Variants in C10orf90 observed in about 807,000 individuals in gnomAD.
C10orf90 encodes the protein chromosome 10 open reading frame 90.
Under a neutral mutation model 62.5 loss-of-function variants are expected in C10orf90, and 56 were observed. The ratio of observed to expected loss-of-function variants is 0.90; its 90% CI spans 0.72 to 1.12. The LOEUF (loss-of-function observed/expected upper bound fraction) is 1.12, where lower values mean the gene tolerates loss of function less well. Among genes scored for constraint, C10orf90 ranks in the 50% most tolerant of loss-of-function variants. C10orf90 has a pLI of 0.00. For missense variants in C10orf90, 970 were observed against 880.4 expected, an observed-to-expected ratio of 1.10 and a Z score of -1.29; for synonymous variants, 386 against 340.4, an observed-to-expected ratio of 1.13 and a Z score of -1.47.
chr10:126,655,834 C>CAA (rs1195360598), intron 1 of C10orf90, among the ~76,000 whole-genome samples: 20,004 of 125,326 alleles, frequency 0.16, 1,240 homozygotes, highest in South Asian at 0.22. Flanking sequence ...CAAAACAAAA[C>CAA]AAAACAAAAA....
chr10:126,478,209 A>G (rs893113657), intron 4 of C10orf90, among the ~76,000 whole-genome samples: 1 of 152,208 alleles, frequency 6.6e-6, no homozygotes. Context: ...CCCTTGGAAT[A>G]ACTTGGAATC....
chr10:126,463,556 G>A (rs954955698), intron 5 of C10orf90, among the ~76,000 whole-genome samples: 3 of 151,984 alleles, frequency 2.0e-5, no homozygotes, highest in African/African-American at 4.8e-5. Flanking sequence ...CAACCCTTGC[G>A]CCCTGGCCCC....
At chr10:126,564,668 C>T (rs556575691) in intron 2 of C10orf90, among the ~76,000 whole-genome samples, 10 of 147,444 alleles carry the variant, frequency 6.8e-5, no homozygotes, top group East Asian at 4.1e-4. Context: ...CCCAGACACA[C>T]GACTGGCTTT....
At chr10:126,426,691 C>A (rs1334917056) in intron 8 of C10orf90, among the ~76,000 whole-genome samples, 1 of 152,120 alleles carries the variant, frequency 6.6e-6, no homozygotes, top group Non-Finnish European at 1.5e-5. Flanking sequence ...TGGACTGATG[C>A]CAGTTAATAT....
intron 3 of C10orf90, among the ~76,000 whole-genome samples, chr10:126,506,029 C>A (rs1257588999): frequency 6.6e-6 from 1 of 152,168 alleles, no homozygotes; most frequent in Non-Finnish European, 1.5e-5. Flanking sequence ...AACACTATGG[C>A]AATCAGATGA....
chr10:126,507,929 A>C (rs139055823), intron 3 of C10orf90, among the ~76,000 whole-genome samples: 7 of 151,910 alleles, frequency 4.6e-5, no homozygotes, highest in Admixed American at 3.3e-4. Context: ...CTTGGTACAC[A>C]TTCCCTCCCA....
chr10:126,512,919 T>A (rs1158628292), intron 3 of C10orf90, among the ~76,000 whole-genome samples: 7 of 152,208 alleles, frequency 4.6e-5, no homozygotes, highest in African/African-American at 1.7e-4. Context: ...TTGAGCTTTA[T>A]TAAATACGGA....
intron 7 of C10orf90, among the ~76,000 whole-genome samples, chr10:126,445,803 G>T (rs1858726783): frequency 1.5e-5 from 1 of 67,042 alleles, no homozygotes; most frequent in Admixed American, 1.7e-4. Context: ...AGAAACTGTG[G>T]TGTATATATA....
At chr10:126,533,769 CT>C (rs1395775690) in intron 2 of C10orf90, among the ~76,000 whole-genome samples, 1 of 152,228 alleles carries the variant, frequency 6.6e-6, no homozygotes, top group East Asian at 1.9e-4. Context: ...ATCACGCTCA[CT>C]TTAGGGAATT....
In C10orf90 at chr10:126,504,659, CCA is replaced by C. The variant is rs1862608470; in HGVS notation, c.830_831del (p.Leu277ArgfsTer38). 1 of 1,614,088 alleles carries C rather than the reference CCA, an allele frequency of 6.2e-7. No homozygotes were observed. Among genetic ancestry groups the C allele is most frequent in the Admixed American group, 1.7e-5 (1 of 60,014 alleles). On this transcript the variant is annotated frameshift_variant, in exon 4 of 10. Coordinates refer to ENST00000488181, the MANE Select transcript of C10orf90 (RefSeq NM_001350921.2). LOFTEE classifies it high-confidence loss of function. The surrounding 1 kb of genome is among the most constrained non-coding windows in gnomAD (Gnocchi z 4.1). ...TGCCGACCTGGATGGGCGCCATTGG[CCA>C]GAGCCGGGGGCGCCTGGAACAGTGT... ...EDTLFQAPPALANGAHPGRHQ... is the reference protein window; with the variant it reads ...EDTLFQAPPAXANGAHPGRHQ...
At chr10:126,647,855 G>C (rs1591172820) in intron 1 of C10orf90, among the ~76,000 whole-genome samples, 2 of 152,306 alleles carry the variant, frequency 1.3e-5, no homozygotes, top group East Asian at 3.9e-4. Context: ...CTTCAGTTTG[G>C]TAACAGGCCA....
chr10:126,566,030 T>C (rs1232180337), intron 2 of C10orf90, among the ~76,000 whole-genome samples: 1 of 152,218 alleles, frequency 6.6e-6, no homozygotes, highest in Non-Finnish European at 1.5e-5. Flanking sequence ...TTGTCATTAG[T>C]TATGAATTTT....
chr10:126,552,088 A>G (rs907872908), intron 2 of C10orf90, among the ~76,000 whole-genome samples: 3 of 152,194 alleles, frequency 2.0e-5, no homozygotes, highest in Admixed American at 6.5e-5. Context: ...TGGGGTAAGA[A>G]GTGATTGGTA....
chr10:126,552,411 C>A (rs1035196083), intron 2 of C10orf90, among the ~76,000 whole-genome samples: 3 of 152,208 alleles, frequency 2.0e-5, no homozygotes, highest in African/African-American at 7.2e-5. Context: ...GAAGTCCCCA[C>A]ACTGGTCGAG....
intron 2 of C10orf90, among the ~76,000 whole-genome samples, chr10:126,553,887 C>T (rs754691769): frequency 6.6e-6 from 1 of 151,744 alleles, no homozygotes; most frequent in African/African-American, 2.4e-5. Flanking sequence ...GTAGAAAAAC[C>T]GCAACGCCCA....
intron 4 of C10orf90, among the ~76,000 whole-genome samples, chr10:126,500,423 C>G (rs1455858219): frequency 6.6e-6 from 1 of 152,198 alleles, no homozygotes; most frequent in Non-Finnish European, 1.5e-5. Context: ...ATACTCTTTA[C>G]AGATGGTTGA....
At chr10:126,566,194 C>T (rs751806450) in intron 2 of C10orf90, among the ~76,000 whole-genome samples, 2 of 152,136 alleles carry the variant, frequency 1.3e-5, no homozygotes, top group Non-Finnish European at 2.9e-5. Context: ...TAAACATTCA[C>T]GATCATGATA....
intron 2 of C10orf90, among the ~76,000 whole-genome samples, chr10:126,626,122 C>G (rs998085551): frequency 3.6e-5 from 4 of 111,936 alleles, no homozygotes; most frequent in African/African-American, 7.5e-5. Context: ...CAGCGAGATT[C>G]CATCTCAAAA....
chr10:126,481,770 G>A (rs1056458518), intron 4 of C10orf90, among the ~76,000 whole-genome samples: 5 of 152,110 alleles, frequency 3.3e-5, no homozygotes, highest in Non-Finnish European at 7.4e-5. Flanking sequence ...AAACTAGAAT[G>A]CCTTGTTCCA....
Sources: gnomAD v4.1 joint callset for allele counts (sites outside exome capture counted in the v4.1 genomes callset) on GRCh38, gnomAD v4.1.1 for gene constraint, Gnocchi (gnomAD v3.1) non-coding constraint, MANE v1.5 for transcripts, NCBI Gene and HGNC (gene_info 2026-07-23, HGNC 2026-07-21) for gene names.